The following INPP4B variants were observed in gnomAD, a reference collection of about 807,000 sequenced individuals.
INPP4B encodes the protein inositol polyphosphate 4-phosphatase type II.
A neutral mutation model predicts 122.5 loss-of-function variants in INPP4B; 55 were observed. The observed-to-expected ratio is 0.45, with a 90% CI of 0.36 to 0.56. The LOEUF is 0.56. INPP4B is among the 20% of genes least tolerant of loss of function. The pLI is 0.00. For synonymous variants in INPP4B, 403 were observed against 388.7 expected (o/e 1.04, Z -0.43); for missense variants, 1,000 against 1,097.7 (o/e 0.91, Z 1.26).
intron 21 of INPP4B, 46 bp downstream of exon 21, chr4:142,122,082 G>C (rs200725656): frequency 2.5e-6 from 3 of 1,208,570 alleles, no homozygotes; most frequent in African/African-American, 1.5e-5. Flanking sequence ...GAGTTAACAC[G>C]ACATGTCTAA....
At chr4:142,413,805 A>G (rs1401217538) in intron 5 of INPP4B, among the ~76,000 whole-genome samples, 1 of 152,164 alleles carries the variant, frequency 6.6e-6, no homozygotes, top group African/African-American at 2.4e-5. Flanking sequence ...ATAGCTTAGT[A>G]TTCAGCAATC....
chr4:142,027,392 T>C lies in INPP4B; in HGVS notation c.*1390A>G, dbSNP rs1737341396. 1 of 152,196 alleles carries C rather than the reference T, an allele frequency of 6.6e-6. No individual in the cohort carries two copies. Among genetic ancestry groups the C allele is most frequent in the Non-Finnish European group, 1.5e-5 (1 of 68,026 alleles). 9.4% of individuals were successfully genotyped at this position (152,196 alleles called of 1,614,324 possible). On this transcript the variant is annotated 3_prime_UTR_variant, in exon 26 of 26. Transcript: ENST00000262992. ...TAAGAGAGGGCTTAAGAAGCCTCTG[T>C]TATTTTCAAGGGAGATTTATGCTTT...
intron 2 of INPP4B, among the ~76,000 whole-genome samples, chr4:142,471,484 TC>T (rs1270570447): frequency 1.3e-5 from 2 of 152,178 alleles, no homozygotes; most frequent in African/African-American, 4.8e-5. Context: ...ATGCTAGAAA[TC>T]CACTTCTTAG....
At chr4:142,219,835 A>G (rs1848668694) in intron 12 of INPP4B, among the ~76,000 whole-genome samples, 1 of 152,176 alleles carries the variant, frequency 6.6e-6, no homozygotes, top group African/African-American at 2.4e-5. Flanking sequence ...GTTAGTGGAC[A>G]CCATAAGATT....
chr4:142,751,187 G>C (rs374614826), intron 1 of INPP4B, among the ~76,000 whole-genome samples: 1 of 150,334 alleles, frequency 6.7e-6, no homozygotes, highest in Non-Finnish European at 1.5e-5. Flanking sequence ...AATGATAAAA[G>C]TGAGCTCTAA....
At chr4:142,099,454 T>A (rs1783524680) in intron 23 of INPP4B, among the ~76,000 whole-genome samples, 2 of 152,162 alleles carry the variant, frequency 1.3e-5, no homozygotes, top group Non-Finnish European at 2.9e-5. Flanking sequence ...GATGTCTACA[T>A]GGTATGACAG....
intron 18 of INPP4B, among the ~76,000 whole-genome samples, chr4:142,140,824 C>T (rs1265526557): frequency 1.3e-5 from 2 of 152,110 alleles, no homozygotes; most frequent in East Asian, 3.9e-4. Context: ...TTATGGATAT[C>T]AGTAGAATTA....
At chr4:142,145,013 T>A (rs1360972058) in intron 18 of INPP4B, among the ~76,000 whole-genome samples, 1 of 152,076 alleles carries the variant, frequency 6.6e-6, no homozygotes, top group African/African-American at 2.4e-5. Context: ...AGCAAAAAAG[T>A]CTGACTCAAC....
intron 25 of INPP4B, among the ~76,000 whole-genome samples, chr4:142,032,369 T>C (rs1740818013): frequency 6.6e-6 from 1 of 151,974 alleles, no homozygotes; most frequent in South Asian, 2.1e-4. Flanking sequence ...CCATTTCCAT[T>C]ACAGAATCCA....
chr4:142,083,742 C>G (rs1408784875), intron 24 of INPP4B, among the ~76,000 whole-genome samples: 1 of 152,052 alleles, frequency 6.6e-6, no homozygotes, highest in Non-Finnish European at 1.5e-5. Context: ...AGCATGATGT[C>G]TCCATACAAT....
intron 1 of INPP4B, among the ~76,000 whole-genome samples, chr4:142,760,387 A>T (rs1431863625): frequency 6.6e-6 from 1 of 152,156 alleles, no homozygotes; most frequent in Non-Finnish European, 1.5e-5. Context: ...AGAAAAACAT[A>T]GCAAAAGGAT....
chr4:142,365,005 G>A (rs1350851318), intron 7 of INPP4B, among the ~76,000 whole-genome samples: 6 of 152,106 alleles, frequency 3.9e-5, no homozygotes, highest in Non-Finnish European at 8.8e-5. Flanking sequence ...AGGCTCCCAA[G>A]TGAGGTAAGA....
intron 2 of INPP4B, among the ~76,000 whole-genome samples, chr4:142,678,964 A>G (rs1408966409): frequency 6.6e-6 from 1 of 151,884 alleles, no homozygotes; most frequent in African/African-American, 2.4e-5. Context: ...GACTGGGGAA[A>G]TTATTCTACT....
intron 7 of INPP4B, among the ~76,000 whole-genome samples, chr4:142,369,488 G>A (rs370994834): frequency 6.6e-6 from 1 of 151,072 alleles, no homozygotes; most frequent in Non-Finnish European, 1.5e-5. Context: ...GAGGTAGGAG[G>A]ATCACTTGAG....
At chr4:142,566,540 G>A (rs1009402421) in intron 2 of INPP4B, among the ~76,000 whole-genome samples, 1 of 152,146 alleles carries the variant, frequency 6.6e-6, no homozygotes, top group African/African-American at 2.4e-5. Flanking sequence ...AGGTATTATT[G>A]AGATATCCTA....
chr4:142,424,232 G>C (rs184554943), intron 5 of INPP4B, among the ~76,000 whole-genome samples: 1 of 151,794 alleles, frequency 6.6e-6, no homozygotes, highest in African/African-American at 2.4e-5. Context: ...CTAGGAAATA[G>C]GTTAGCTGTT....
intron 11 of INPP4B, among the ~76,000 whole-genome samples, chr4:142,241,242 C>T (rs775315800): frequency 1.5e-4 from 23 of 151,184 alleles, no homozygotes; most frequent in Non-Finnish European, 3.1e-4. Context: ...TTTTTTTTTA[C>T]TGCTTTTGCC....
intron 2 of INPP4B, among the ~76,000 whole-genome samples, chr4:142,634,345 T>C (rs531940265): frequency 2.0e-3 from 307 of 152,270 alleles, no homozygotes; most frequent in Non-Finnish European, 3.6e-3. Flanking sequence ...AATTCTTCAC[T>C]TTTTTAAAAC....
At chr4:142,321,285 T>A (rs1769915962) in intron 7 of INPP4B, among the ~76,000 whole-genome samples, 1 of 152,218 alleles carries the variant, frequency 6.6e-6, no homozygotes, top group Non-Finnish European at 1.5e-5. Context: ...TGTTTGTTTA[T>A]GTCCTTAGCC....
Sources: allele counts gnomAD v4.1 joint callset (sites outside exome capture counted in the v4.1 genomes callset), GRCh38; gene constraint gnomAD v4.1.1; transcripts MANE v1.5; gene names NCBI Gene and HGNC (gene_info 2026-07-23, HGNC 2026-07-21).